The following IMMP2L variants were observed in gnomAD, a reference collection of about 807,000 sequenced individuals.
IMMP2L encodes the protein inner mitochondrial membrane peptidase subunit 2, also known as mitochondrial inner membrane protease subunit 2.
IMMP2L carries 18 observed loss-of-function variants against 19.3 expected under a neutral mutation model. The observed-to-expected ratio is 0.93, with a 90% CI of 0.64 to 1.38. The LOEUF is 1.38. Ranked by LOEUF, IMMP2L falls within the 40% of genes most tolerant of loss-of-function variation. The probability of loss-of-function intolerance (pLI) is 0.00; values close to 1 mark genes in which losing one functional copy is unlikely to be tolerated. For missense variants in IMMP2L, 233 were observed against 218.2 expected (o/e 1.07, Z -0.43); for synonymous variants, 76 against 73.0 (o/e 1.04, Z -0.21).
intron 3 of IMMP2L, among the ~76,000 whole-genome samples, chr7:111,061,565 C>T (rs190107865): frequency 9.7e-4 from 147 of 152,242 alleles, no homozygotes; most frequent in African/African-American, 3.4e-3. Context: ...ATCTGCACCT[C>T]CTATCAAAGC....
At chr7:111,289,803 A>G (rs1820890677) in intron 3 of IMMP2L, among the ~76,000 whole-genome samples, 1 of 151,870 alleles carries the variant, frequency 6.6e-6, no homozygotes, top group Admixed American at 6.6e-5. Flanking sequence ...CTCCAGCCTC[A>G]GTATACCTAC....
chr7:111,238,968 G>T (rs575489280), intron 3 of IMMP2L, among the ~76,000 whole-genome samples: 1 of 152,008 alleles, frequency 6.6e-6, no homozygotes, highest in South Asian at 2.1e-4. Context: ...TAATGTTCTT[G>T]CCATAATTGC....
Position 110,693,502 on chromosome 7 carries a change from T to C in IMMP2L, c.409-29781A>G, listed in dbSNP as rs538284189. Among the ~76,000 whole-genome samples the C allele has an allele frequency of 9.4e-4, 143 of 152,320 alleles. 1 individual carries two copies. The highest frequency in any genetic ancestry group is 3.2e-3 in the African/African-American group (133 of 41,578). On this transcript the variant is annotated intron_variant, in intron 5 of 5. Coordinates refer to ENST00000405709, the MANE Select transcript of IMMP2L (RefSeq NM_032549.4). ...CTATCTGTATTTACTCACTAGGCTA[T>C]GAAACTATGGGAACAGGACTTTGCT...
chr7:111,348,277 T>TA (rs1827778563), intron 3 of IMMP2L, among the ~76,000 whole-genome samples: 1 of 151,872 alleles, frequency 6.6e-6, no homozygotes, highest in East Asian at 1.9e-4. Flanking sequence ...CCCTAGAACT[T>TA]AAAGTATAAT....
In IMMP2L at chr7:110,663,428, C is replaced by T; in HGVS notation, c.*174G>A. 3 of 538,508 alleles carry T rather than the reference C, an allele frequency of 5.6e-6. No homozygotes were observed. The highest frequency in any genetic ancestry group is 9.5e-6 in the Non-Finnish European group (3 of 315,760). 33.4% of individuals were successfully genotyped at this position (538,508 alleles called of 1,614,324 possible). ...ACACAAAATCAGGTGCCATTTAATACTGTTTAACATTTGAAAATTATTTAT... is the reference window on the plus strand; with the variant it reads ...ACACAAAATCAGGTGCCATTTAATATTGTTTAACATTTGAAAATTATTTAT... On this transcript the variant is annotated 3_prime_UTR_variant, in exon 6 of 6. Coordinates refer to ENST00000405709, the MANE Select transcript of IMMP2L (RefSeq NM_032549.4).
intron 5 of IMMP2L, among the ~76,000 whole-genome samples, chr7:110,699,763 C>A (rs869202322): frequency 7.8e-4 from 108 of 137,924 alleles, no homozygotes; most frequent in East Asian, 1.5e-3. Flanking sequence ...GACTCTACCT[C>A]AAAAAAAAAA....
intron 3 of IMMP2L, among the ~76,000 whole-genome samples, chr7:111,176,889 T>C (rs1435186310): frequency 6.6e-6 from 1 of 152,040 alleles, no homozygotes; most frequent in African/African-American, 2.4e-5. Flanking sequence ...ATTTACTTAA[T>C]CTAGTTTATT....
At chr7:110,818,612 G>A (rs575753384) in intron 5 of IMMP2L, among the ~76,000 whole-genome samples, 3 of 152,178 alleles carry the variant, frequency 2.0e-5, no homozygotes, top group African/African-American at 4.8e-5. Flanking sequence ...TCCCATTACT[G>A]GGTATATACC....
At chr7:110,802,378 T>C (rs1359498243) in intron 5 of IMMP2L, among the ~76,000 whole-genome samples, 1 of 150,588 alleles carries the variant, frequency 6.6e-6, no homozygotes, top group African/African-American at 2.4e-5. Context: ...TGCCTGTGTC[T>C]GTGTTGGTAA....
intron 3 of IMMP2L, among the ~76,000 whole-genome samples, chr7:111,133,511 G>C (rs1031903250): frequency 6.6e-6 from 1 of 151,928 alleles, no homozygotes; most frequent in African/African-American, 2.4e-5. Flanking sequence ...AGTTCTGAAG[G>C]ACAAAGCAGG....
intron 3 of IMMP2L, among the ~76,000 whole-genome samples, chr7:110,986,415 T>C (rs1001505570): frequency 6.6e-6 from 1 of 152,116 alleles, no homozygotes; most frequent in African/African-American, 2.4e-5. Flanking sequence ...GAGAGATTCC[T>C]CCAGGCATAT....
intron 4 of IMMP2L, among the ~76,000 whole-genome samples, chr7:110,948,620 T>C (rs568416613): frequency 2.6e-5 from 4 of 152,220 alleles, no homozygotes; most frequent in Non-Finnish European, 5.9e-5. Flanking sequence ...TTAGTATTCT[T>C]TTTTGTGAGC....
intron 2 of IMMP2L, among the ~76,000 whole-genome samples, chr7:111,502,921 A>G (rs1184657943): frequency 3.9e-4 from 58 of 149,762 alleles, no homozygotes; most frequent in Middle Eastern, 3.5e-3. Context: ...CTAGAAAAGC[A>G]AGAGCAAACA....
At chr7:111,446,774 A>G (rs1838500331) in intron 3 of IMMP2L, among the ~76,000 whole-genome samples, 1 of 152,208 alleles carries the variant, frequency 6.6e-6, no homozygotes, top group Non-Finnish European at 1.5e-5. Context: ...ACGGGAGGAC[A>G]TTCAAAGCAA....
At chr7:110,848,600 G>T (rs1276809292) in intron 5 of IMMP2L, among the ~76,000 whole-genome samples, 1 of 152,088 alleles carries the variant, frequency 6.6e-6, no homozygotes, top group Non-Finnish European at 1.5e-5. Context: ...ACAAAAATCT[G>T]CACACGAATA....
intron 3 of IMMP2L, among the ~76,000 whole-genome samples, chr7:111,207,754 T>C (rs1249042914): frequency 1.3e-5 from 2 of 152,012 alleles, no homozygotes; most frequent in Non-Finnish European, 2.9e-5. Flanking sequence ...CAGGATAGTC[T>C]CAATCTCCTG....
intron 5 of IMMP2L, among the ~76,000 whole-genome samples, chr7:110,802,466 A>G (rs1801328840): frequency 6.6e-6 from 1 of 151,780 alleles, no homozygotes; most frequent in Non-Finnish European, 1.5e-5. Context: ...CGTCAAATTA[A>G]TATCCTATAC....
intron 4 of IMMP2L, among the ~76,000 whole-genome samples, chr7:110,900,417 C>T (rs1264550275): frequency 1.3e-5 from 2 of 152,174 alleles, no homozygotes; most frequent in Non-Finnish European, 2.9e-5. Context: ...CTCCTTTCCT[C>T]CTTAGCGTCC....
chr7:110,744,384 C>T (rs909323964), intron 5 of IMMP2L, among the ~76,000 whole-genome samples: 7 of 152,216 alleles, frequency 4.6e-5, no homozygotes, highest in East Asian at 1.9e-4. Context: ...ACCAGCACAG[C>T]GTTTGAGCTC....
Sources: gnomAD v4.1 joint callset for allele counts (sites outside exome capture counted in the v4.1 genomes callset) on GRCh38, gnomAD v4.1.1 for gene constraint, MANE v1.5 for transcripts, NCBI Gene and HGNC (gene_info 2026-07-23, HGNC 2026-07-21) for gene names.